DOCK2: variants seen among roughly 807,000 people sequenced by gnomAD.
DOCK2 encodes dedicator of cytokinesis 2, also known as dedicator of cytokinesis protein 2.
Under a neutral mutation model 248.9 loss-of-function variants are expected in DOCK2, and 87 were observed. The observed-to-expected ratio is 0.35, with a 90% CI of 0.29 to 0.42. The LOEUF (loss-of-function observed/expected upper bound fraction) is 0.42. Among genes scored for constraint, DOCK2 ranks in the 10% least tolerant of loss-of-function variants. The pLI, the probability that DOCK2 is intolerant of heterozygous loss-of-function variation, is 1.00. For missense variants in DOCK2, 1,747 were observed against 2,300.2 expected (o/e 0.76, Z 4.92); for synonymous variants, 805 against 821.6 (o/e 0.98, Z 0.35).
At chr5:170,062,471 A>C (rs1020612087) in intron 44 of DOCK2, among the ~76,000 whole-genome samples, 1 of 152,116 alleles carries the variant, frequency 6.6e-6, no homozygotes, top group African/African-American at 2.4e-5. Context: ...AGGCACACTC[A>C]GGCATGCACC....
chr5:169,909,770 G>A (rs892076654), intron 27 of DOCK2, among the ~76,000 whole-genome samples: 1 of 152,150 alleles, frequency 6.6e-6, no homozygotes, highest in African/African-American at 2.4e-5. Context: ...TACAATCCAA[G>A]ATGATCACTT....
chr5:169,880,938 G>A (rs1005874856), intron 27 of DOCK2, among the ~76,000 whole-genome samples: 2 of 152,204 alleles, frequency 1.3e-5, no homozygotes, highest in African/African-American at 4.8e-5. Flanking sequence ...GCTTGGCATA[G>A]CATAGCTACT....
chr5:169,953,425 T>C (rs911345511), intron 27 of DOCK2, among the ~76,000 whole-genome samples: 3 of 152,062 alleles, frequency 2.0e-5, no homozygotes, highest in Non-Finnish European at 2.9e-5. Context: ...CTGAGAGTTA[T>C]GTGACTGTGG....
chr5:169,813,843 G>A (rs1269941347), intron 26 of DOCK2, among the ~76,000 whole-genome samples: 1 of 152,074 alleles, frequency 6.6e-6, no homozygotes, highest in Non-Finnish European at 1.5e-5. Context: ...TGAGGGGTGG[G>A]GACAATGAGT....
At chr5:170,067,363 C>A in intron 44 of DOCK2, 147 bp from the exon 45 acceptor site, 1 of 722,792 alleles carries the variant, frequency 1.4e-6, no homozygotes, top group Non-Finnish European at 2.2e-6. Flanking sequence ...GCCCCCAGAG[C>A]TCAGTAATTA....
chr5:169,883,900 G>A, intron 27 of DOCK2: 1 of 1,496,236 alleles, frequency 6.7e-7, no homozygotes. Flanking sequence ...CTGGGCCATT[G>A]AGCCTCAGTG....
In DOCK2 at chr5:169,981,582, T is replaced by G. The variant is rs140712412; in HGVS notation, c.2800-1486T>G. Among the ~76,000 whole-genome samples, 12 of 152,306 alleles carry G rather than the reference T, an allele frequency of 7.9e-5. No homozygotes were observed. In the East Asian group the frequency reaches 1.5e-3, roughly 20 times the overall value. ...CTTTGATGTTACTATTATAATTGTT[T>G]TAGCACACTATAAACAAACTTCACT... On this transcript the variant is annotated intron_variant, in intron 27 of 51. Coordinates refer to ENST00000520908, the MANE Select transcript of DOCK2 (RefSeq NM_004946.3).
intron 1 of DOCK2, among the ~76,000 whole-genome samples, chr5:169,653,928 G>T (rs1002509629): frequency 2.6e-5 from 4 of 152,158 alleles, no homozygotes; most frequent in African/African-American, 9.7e-5. Context: ...TCAACCCCAG[G>T]CCTGGCTGAA....
chr5:169,864,562 A>T (rs1057478934), intron 27 of DOCK2: 20 of 946,122 alleles, frequency 2.1e-5, no homozygotes, highest in Non-Finnish European at 2.9e-5. Flanking sequence ...GAGCTTTGGG[A>T]TCAAATCCTA....
intron 26 of DOCK2, among the ~76,000 whole-genome samples, chr5:169,817,017 G>A (rs1446311994): frequency 3.3e-5 from 5 of 152,052 alleles, no homozygotes; most frequent in Admixed American, 6.5e-5. Context: ...AGTCCCACTC[G>A]TTCCTATTGC....
chr5:169,989,660 A>G (rs557844940), intron 29 of DOCK2, among the ~76,000 whole-genome samples: 1 of 152,340 alleles, frequency 6.6e-6, no homozygotes, highest in African/African-American at 2.4e-5. Context: ...GTTAGGACTT[A>G]TGGCTGCCTG....
At chr5:169,941,833 C>A (rs903122570) in intron 27 of DOCK2, among the ~76,000 whole-genome samples, 1 of 152,166 alleles carries the variant, frequency 6.6e-6, no homozygotes, top group African/African-American at 2.4e-5. Context: ...CAGAATAGAA[C>A]CCCACTTCCC....
intron 32 of DOCK2, among the ~76,000 whole-genome samples, chr5:170,010,985 A>G (rs1189910577): frequency 2.0e-5 from 3 of 152,248 alleles, no homozygotes; most frequent in Non-Finnish European, 4.4e-5. Context: ...GATGAATGAA[A>G]AGATGTTACC....
At chr5:169,721,179 G>C (rs900550399) in intron 22 of DOCK2, among the ~76,000 whole-genome samples, 16 of 152,234 alleles carry the variant, frequency 1.1e-4, no homozygotes, top group Non-Finnish European at 2.4e-4. Context: ...GTGCTGCTGT[G>C]ACGTAAATGC....
chr5:169,852,369 T>C (rs1243954328), intron 27 of DOCK2, among the ~76,000 whole-genome samples: 1 of 152,220 alleles, frequency 6.6e-6, no homozygotes, highest in East Asian at 1.9e-4. Flanking sequence ...ACAGCGTATC[T>C]GCCATTTGGG....
chr5:169,936,316 T>C (rs1377967717), intron 27 of DOCK2, among the ~76,000 whole-genome samples: 1 of 152,158 alleles, frequency 6.6e-6, no homozygotes, highest in East Asian at 1.9e-4. Flanking sequence ...GCAAGGGCAG[T>C]GGGTTCCTAG....
rs558879834 is a variant in DOCK2 at position 169,744,187 on chromosome 5, T to C, written c.2268-3209T>C. ...GAGAACATAGAAGAAGAATACCAGG[T>C]TCTGGTTCAAGCTATATCATTGGCA... On this transcript the variant is annotated intron_variant, in intron 22 of 51. Coordinates refer to ENST00000520908, the MANE Select transcript of DOCK2 (RefSeq NM_004946.3). Among the ~76,000 whole-genome samples, 4 of 152,204 alleles carry C rather than the reference T, an allele frequency of 2.6e-5. No homozygotes were observed. The East Asian group carries it at 5.8e-4, about 22-fold the overall frequency.
intron 27 of DOCK2, among the ~76,000 whole-genome samples, chr5:169,884,975 C>T (rs1337149579): frequency 6.6e-6 from 1 of 152,086 alleles, no homozygotes; most frequent in Non-Finnish European, 1.5e-5. Flanking sequence ...GAACCAGGTG[C>T]TTTGTGGGTG....
chr5:169,886,112 A>G (rs76670099), intron 27 of DOCK2, among the ~76,000 whole-genome samples: 10,363 of 152,210 alleles, frequency 0.068, 393 homozygotes, highest in Non-Finnish European at 0.086. Flanking sequence ...ATCTCTCTTT[A>G]TAAAGAAAAA....
Sources: gnomAD v4.1 joint callset for allele counts (sites outside exome capture counted in the v4.1 genomes callset) on GRCh38, gnomAD v4.1.1 for gene constraint, MANE v1.5 for transcripts, NCBI Gene and HGNC (gene_info 2026-07-23, HGNC 2026-07-21) for gene names.